Variants in SYNPR observed in about 807,000 individuals in gnomAD.
The protein encoded by SYNPR is synaptoporin.
A neutral mutation model predicts 32.9 loss-of-function variants in SYNPR; 23 were observed. The ratio of observed to expected loss-of-function variants is 0.70; its 90% CI spans 0.50 to 0.99. SYNPR has a LOEUF of 0.99. SYNPR is among the 50% of genes least tolerant of loss of function. The pLI is 0.00. For missense variants in SYNPR, 318 were observed against 349.3 expected, an observed-to-expected ratio of 0.91 and a Z score of 0.71; for synonymous variants, 146 against 135.9, an observed-to-expected ratio of 1.07 and a Z score of -0.52.
intron 3 of SYNPR, among the ~76,000 whole-genome samples, chr3:63,481,763 A>C (rs1220222518): frequency 6.6e-6 from 1 of 152,114 alleles, no homozygotes; most frequent in Non-Finnish European, 1.5e-5. Context: ...GCTCTGGACC[A>C]ACCCATTGGC....
intron 2 of SYNPR, among the ~76,000 whole-genome samples, chr3:63,381,016 C>T (rs920249220): frequency 1.3e-5 from 2 of 152,164 alleles, no homozygotes; most frequent in Admixed American, 6.6e-5. Flanking sequence ...CCTCTCTCAC[C>T]ACTCCTATTC....
chr3:63,407,845 C>G (rs763260859), intron 2 of SYNPR, among the ~76,000 whole-genome samples: 1 of 152,002 alleles, frequency 6.6e-6, no homozygotes, highest in Non-Finnish European at 1.5e-5. Flanking sequence ...CACTTCAACA[C>G]TACCATGCTG....
At chr3:63,479,446 G>GCGCGCGCACACACACACACACACACA (rs6147854) in intron 2 of SYNPR, among the ~76,000 whole-genome samples, 154 of 135,852 alleles carry the variant, frequency 1.1e-3, no homozygotes, top group African/African-American at 3.1e-3. Context: ...CCACACACAT[G>GCGCGCGCACACACACACACACACACA]CACACACACA....
At chr3:63,301,283 G>A (rs533341373) in intron 2 of SYNPR, among the ~76,000 whole-genome samples, 16 of 152,190 alleles carry the variant, frequency 1.1e-4, no homozygotes, top group East Asian at 5.8e-4. Context: ...TGCGTTCAGC[G>A]CAGTACCTAA....
chr3:63,453,814 G>A (rs953628727), intron 2 of SYNPR, among the ~76,000 whole-genome samples: 3 of 152,228 alleles, frequency 2.0e-5, no homozygotes, highest in East Asian at 3.9e-4. Context: ...CAGCTCTTTT[G>A]AGGTTCTTTA....
intron 2 of SYNPR, among the ~76,000 whole-genome samples, chr3:63,473,397 T>C (rs1384635198): frequency 2.0e-5 from 3 of 152,256 alleles, no homozygotes; most frequent in East Asian, 1.9e-4. Context: ...GATTGATTGA[T>C]TGATTGATTG....
intron 2 of SYNPR, among the ~76,000 whole-genome samples, chr3:63,255,949 C>G (rs554058786): frequency 9.2e-5 from 14 of 152,226 alleles, no homozygotes; most frequent in Admixed American, 8.5e-4. Context: ...GAGGGTCCTA[C>G]GCCCATTGAG....
At chr3:63,561,676 C>T (rs1295211699) in intron 4 of SYNPR, among the ~76,000 whole-genome samples, 2 of 152,098 alleles carry the variant, frequency 1.3e-5, no homozygotes, top group African/African-American at 2.4e-5. Flanking sequence ...ACTAGAACTA[C>T]TAGAGGGTTC....
rs141825298 is a variant in SYNPR at position 63,585,685 on chromosome 3, G to T, written c.409-23440G>T. On this transcript the variant is annotated intron_variant, in intron 4 of 5. Transcript: ENST00000478300. Reference sequence around the variant, plus strand: ...AATAGTGGACAAGAACAAAAGGGGAGAACTGATGGGGAAAATAATAATATC... The same window carrying T: ...AATAGTGGACAAGAACAAAAGGGGATAACTGATGGGGAAAATAATAATATC... 4.2e-3 allele frequency among the ~76,000 whole-genome samples: 635 copies of T among 152,162 alleles called. 4 individuals carry two copies. Among genetic ancestry groups the T allele is most frequent in the African/African-American group, 0.015 (606 of 41,540 alleles).
chr3:63,615,162 A>G, intron 5 of SYNPR, 62 bp from the exon 6 acceptor site: 3 of 1,554,188 alleles, frequency 1.9e-6, no homozygotes, highest in Non-Finnish European at 1.7e-6. Context: ...TTTTTCCAAA[A>G]TTGAAATTTT....
intron 2 of SYNPR, among the ~76,000 whole-genome samples, chr3:63,458,224 C>G (rs1700520387): frequency 6.6e-6 from 1 of 152,088 alleles, no homozygotes; most frequent in Non-Finnish European, 1.5e-5. Context: ...TCTTGACACT[C>G]TCTCTTGGAG....
intron 2 of SYNPR, among the ~76,000 whole-genome samples, chr3:63,444,104 C>T (rs1700229984): frequency 6.6e-6 from 1 of 152,346 alleles, no homozygotes; most frequent in South Asian, 2.1e-4. Flanking sequence ...TCTCTTTCGT[C>T]TTTCTTTGCA....
intron 2 of SYNPR, among the ~76,000 whole-genome samples, chr3:63,353,768 TATG>T (rs2107022331): frequency 6.6e-6 from 1 of 152,362 alleles, no homozygotes; most frequent in African/African-American, 2.4e-5. Flanking sequence ...GGAGTGATGA[TATG>T]ATAAGATTCC....
intron 3 of SYNPR, among the ~76,000 whole-genome samples, chr3:63,505,572 T>C (rs2106744066): frequency 6.6e-6 from 1 of 152,218 alleles, no homozygotes; most frequent in East Asian, 1.9e-4. Flanking sequence ...TATGGGTTAT[T>C]TGTGGGTCTG....
At chr3:63,394,301 T>C (rs1345804353) in intron 2 of SYNPR, among the ~76,000 whole-genome samples, 1 of 152,220 alleles carries the variant, frequency 6.6e-6, no homozygotes, top group East Asian at 1.9e-4. Context: ...GCTCATTCTT[T>C]CTTTTTAAGA....
intron 2 of SYNPR, chr3:63,443,240 ATC>A (rs1700213227): frequency 7.1e-7 from 1 of 1,410,250 alleles, no homozygotes; most frequent in East Asian, 2.6e-5. Context: ...CCGTTTTGCC[ATC>A]TCTCTGCAAA....
the SYNPR span, among the ~76,000 whole-genome samples, chr3:63,210,450 C>A: frequency 1.3e-5 from 2 of 152,164 alleles, no homozygotes; most frequent in African/African-American, 2.4e-5. Flanking sequence ...CTTTTTGATT[C>A]TTTTTCCTCT....
At chr3:63,609,529 G>T (rs1225692050) in intron 5 of SYNPR, among the ~76,000 whole-genome samples, 2 of 152,182 alleles carry the variant, frequency 1.3e-5, no homozygotes, top group Non-Finnish European at 2.9e-5. Context: ...CGATTAAGGA[G>T]TTTTTCTTAA....
At chr3:63,301,530 T>C (rs1358841761) in intron 2 of SYNPR, among the ~76,000 whole-genome samples, 2 of 152,090 alleles carry the variant, frequency 1.3e-5, no homozygotes, top group Non-Finnish European at 2.9e-5. Flanking sequence ...GATGTCTACA[T>C]CAACATTCAC....
Sources: allele counts gnomAD v4.1 joint callset (sites outside exome capture counted in the v4.1 genomes callset), GRCh38; gene constraint gnomAD v4.1.1; transcripts MANE v1.5; gene names NCBI Gene and HGNC (gene_info 2026-07-23, HGNC 2026-07-21).